FAM227B: variants seen among roughly 807,000 people sequenced by gnomAD.
FAM227B encodes family with sequence similarity 227 member B, also known as protein FAM227B.
Under a neutral mutation model 73.8 loss-of-function variants are expected in FAM227B, and 88 were observed. The observed-to-expected ratio is 1.19, with a 90% CI of 1.00 to 1.42. FAM227B has a LOEUF of 1.42. FAM227B is among the 40% of genes most tolerant of loss of function. FAM227B has a pLI of 0.00. For missense variants in FAM227B, 632 were observed against 590.9 expected, an observed-to-expected ratio of 1.07 and a Z score of -0.72; for synonymous variants, 210 against 190.5, an observed-to-expected ratio of 1.10 and a Z score of -0.84.
chr15:49,433,008 G>A (rs548067859), intron 11 of FAM227B, among the ~76,000 whole-genome samples: 38 of 151,268 alleles, frequency 2.5e-4, no homozygotes, highest in Admixed American at 5.3e-4. Flanking sequence ...TTTACTTTTC[G>A]AAAAAGTAGT....
chr15:49,355,057 CAGAA>C (rs1182093035), intron 13 of FAM227B, among the ~76,000 whole-genome samples: 1 of 150,872 alleles, frequency 6.6e-6, no homozygotes, highest in African/African-American at 2.5e-5. Flanking sequence ...AACTAACAAA[CAGAA>C]AGGACATCCA....
At chr15:49,577,521 TG>T in intron 6 of FAM227B, 107 bp downstream of exon 6, 1 of 625,854 alleles carries the variant, frequency 1.6e-6, no homozygotes, top group South Asian at 2.8e-5. Context: ...CTCTCTCCTC[TG>T]GTACCTCTCT....
At chr15:49,456,480 A>G (rs2053300083) in intron 11 of FAM227B, among the ~76,000 whole-genome samples, 1 of 152,144 alleles carries the variant, frequency 6.6e-6, no homozygotes, top group African/African-American at 2.4e-5. Flanking sequence ...CTCAACCATT[A>G]TATTTCCATT....
At chr15:49,583,540 T>C (rs1293164990) in intron 5 of FAM227B, among the ~76,000 whole-genome samples, 1 of 151,938 alleles carries the variant, frequency 6.6e-6, no homozygotes, top group Non-Finnish European at 1.5e-5. Flanking sequence ...TTGTTTAGCA[T>C]ATCATCAAAA....
At chr15:49,540,292 G>A (rs376238996) in intron 10 of FAM227B, among the ~76,000 whole-genome samples, 2 of 152,148 alleles carry the variant, frequency 1.3e-5, no homozygotes, top group African/African-American at 2.4e-5. Context: ...CTGGAGACCA[G>A]AGTGGTACCT....
intron 2 of FAM227B, among the ~76,000 whole-genome samples, chr15:49,613,229 G>A (rs2078065408): frequency 6.6e-6 from 1 of 151,928 alleles, no homozygotes; most frequent in African/African-American, 2.4e-5. Context: ...AAACAAAACA[G>A]AGTGGCCAGG....
chr15:49,574,548 G>A (rs2075324963), intron 8 of FAM227B, among the ~76,000 whole-genome samples: 1 of 152,106 alleles, frequency 6.6e-6, no homozygotes, highest in African/African-American at 2.4e-5. Flanking sequence ...ATGATTGTAA[G>A]TTTCCTGAGG....
At chr15:49,395,660 T>C (rs539300312) in intron 11 of FAM227B, among the ~76,000 whole-genome samples, 64 of 152,322 alleles carry the variant, frequency 4.2e-4, no homozygotes, top group Non-Finnish European at 7.6e-4. Context: ...TGCTGAGTTA[T>C]GTGGTGTTTT....
At chr15:49,358,226 G>A (rs531112088) in intron 13 of FAM227B, among the ~76,000 whole-genome samples, 1 of 150,998 alleles carries the variant, frequency 6.6e-6, no homozygotes, top group South Asian at 2.1e-4. Flanking sequence ...AGTGTTGGAA[G>A]TTCTGGCCAG....
chr15:49,350,648 G>T (rs77750464), intron 13 of FAM227B, among the ~76,000 whole-genome samples: 2 of 152,086 alleles, frequency 1.3e-5, no homozygotes, highest in African/African-American at 4.8e-5. Flanking sequence ...ACCCCTATGA[G>T]GGTACTGTGA....
intron 3 of FAM227B, among the ~76,000 whole-genome samples, chr15:49,601,981 T>C (rs1214680445): frequency 6.6e-6 from 1 of 152,242 alleles, no homozygotes; most frequent in Non-Finnish European, 1.5e-5. Flanking sequence ...ATCTCCCACT[T>C]TTTTATGGCT....
rs544577626 is a variant in FAM227B, at chr15:49,492,345, C to T, written c.1012+15866G>A. ...AAAGCTTAGTGTGTTCAGCAGTTCACGCTCATAGGCCTTCTTAGAATGAAT... is the reference window on the plus strand; with the variant it reads ...AAAGCTTAGTGTGTTCAGCAGTTCATGCTCATAGGCCTTCTTAGAATGAAT... On this transcript the variant is annotated intron_variant, in intron 11 of 15. Transcript: ENST00000299338. Among the ~76,000 whole-genome samples, 8 of 151,992 alleles carry T rather than the reference C, an allele frequency of 5.3e-5. No homozygotes were observed. The South Asian group carries it at 6.2e-4, about 12-fold the overall frequency.
chr15:49,343,753 T>TG (rs1457589471), intron 13 of FAM227B: 2 of 152,340 alleles, frequency 1.3e-5, no homozygotes, highest in East Asian at 3.9e-4. Flanking sequence ...CTTATTGTTC[T>TG]GGCAACCTGT....
intron 11 of FAM227B, among the ~76,000 whole-genome samples, chr15:49,392,060 G>A (rs192123315): frequency 7.2e-5 from 11 of 152,218 alleles, no homozygotes; most frequent in Admixed American, 5.9e-4. Context: ...AAAGAATACA[G>A]CCTTTAACAG....
At chr15:49,607,724 A>T (rs1422039875) in intron 3 of FAM227B, among the ~76,000 whole-genome samples, 1 of 152,152 alleles carries the variant, frequency 6.6e-6, no homozygotes, top group Non-Finnish European at 1.5e-5. Flanking sequence ...TCACCAAGGT[A>T]ATCAAGGGAT....
Position 49,327,846 on chromosome 15 carries a change from G to GTATT in FAM227B, c.*718_*721dup. ...TTGATGACACCTAAAAACCCCGCATGTATTTTCTTCTTAGAACTTAGATAG... is the reference window on the plus strand; with the variant it reads ...TTGATGACACCTAAAAACCCCGCATGTATTTATTTTCTTCTTAGAACTTAGATAG... On this transcript the variant is annotated 3_prime_UTR_variant, in exon 16 of 16. Transcript: ENST00000299338. 1 of 1,044,538 alleles carries GTATT rather than the reference G, an allele frequency of 9.6e-7. No individual in the cohort carries two copies. The highest frequency in any genetic ancestry group is 1.8e-5 in the South Asian group (1 of 54,486). The allele number at this position is 1,044,538 out of a possible 1,614,324, so 64.7% of individuals were successfully genotyped here.
intron 13 of FAM227B, chr15:49,366,713 G>T: frequency 1.6e-6 from 2 of 1,263,148 alleles, no homozygotes; most frequent in Admixed American, 1.8e-5. Flanking sequence ...GTGGGGTGGC[G>T]CGGCGCGGCT....
chr15:49,339,724 A>T (rs1286078279), intron 13 of FAM227B, among the ~76,000 whole-genome samples: 1 of 152,166 alleles, frequency 6.6e-6, no homozygotes. Flanking sequence ...CTGTGCCTAC[A>T]ACCGCCCCTT....
chr15:49,430,355 C>T (rs1191713231), intron 11 of FAM227B, among the ~76,000 whole-genome samples: 1 of 151,712 alleles, frequency 6.6e-6, no homozygotes, highest in Non-Finnish European at 1.5e-5. Context: ...TTAAATGAGC[C>T]ACCTTATGAC....
Sources: gnomAD v4.1 joint callset for allele counts (sites outside exome capture counted in the v4.1 genomes callset) on GRCh38, gnomAD v4.1.1 for gene constraint, MANE v1.5 for transcripts, NCBI Gene and HGNC (gene_info 2026-07-23, HGNC 2026-07-21) for gene names.